Variants in DOCK7 observed in about 807,000 individuals in gnomAD.
The protein encoded by DOCK7 is dedicator of cytokinesis protein 7.
In DOCK7, 138 loss-of-function variants were observed where a neutral mutation model predicts 271.0. The observed-to-expected ratio is 0.51, with a 90% CI of 0.44 to 0.59. DOCK7 has a LOEUF of 0.59. Among genes scored for constraint, DOCK7 ranks in the 20% least tolerant of loss-of-function variants. DOCK7 has a pLI of 0.00. For synonymous variants in DOCK7, 823 were observed against 876.1 expected (o/e 0.94, Z 1.07); for missense variants, 2,066 against 2,592.4 (o/e 0.80, Z 4.41).
intron 43 of DOCK7, 23 bp downstream of exon 43, chr1:62,487,375 T>C: frequency 6.2e-7 from 1 of 1,606,510 alleles, no homozygotes; most frequent in Non-Finnish European, 8.5e-7. Flanking sequence ...TTAGTGTCTT[T>C]AACTAACTAA....
At chr1:62,604,819 C>T (rs760107372) in intron 14 of DOCK7, 2 of 1,612,248 alleles carry the variant, frequency 1.2e-6, no homozygotes, top group African/African-American at 2.7e-5. Context: ...TTTGAATGAA[C>T]TGAGGCAAAT....
chr1:62,671,823 T>G (rs1272657287), intron 1 of DOCK7, among the ~76,000 whole-genome samples: 3 of 152,144 alleles, frequency 2.0e-5, no homozygotes, highest in Non-Finnish European at 4.4e-5. Flanking sequence ...ACAGGATATA[T>G]AATTTGTTTG....
At position 62,685,544 on chromosome 1, in the gene DOCK7, C is replaced by CG. The variant is rs1162278578; in HGVS notation, c.38+2682dup. On this transcript the variant is annotated intron_variant, in intron 1 of 49. Coordinates refer to ENST00000635253, the MANE Select transcript of DOCK7 (RefSeq NM_001367561.1). ...AATCTCATCAACCCCCACCCACCCC[C>CG]GGGCTCCAAATGCAATCTACTTGCT... Among the ~76,000 whole-genome samples the CG allele has an allele frequency of 2.0e-5, 3 of 152,084 alleles. No homozygotes were observed. The East Asian group carries it at 5.8e-4, about 29-fold the overall frequency.
At chr1:62,602,239 C>A (rs781605325) in intron 14 of DOCK7, 1 of 1,448,728 alleles carries the variant, frequency 6.9e-7, no homozygotes, top group South Asian at 1.1e-5. Flanking sequence ...TTACATCTGT[C>A]AACATAAATC....
At chr1:62,563,098 C>T (rs537698105) in intron 18 of DOCK7, among the ~76,000 whole-genome samples, 1 of 152,194 alleles carries the variant, frequency 6.6e-6, no homozygotes, top group African/African-American at 2.4e-5. Context: ...TAACAAGGTG[C>T]CCCCCTCCCT....
At position 62,488,965 on chromosome 1, in the gene DOCK7, A is replaced by T. The variant is rs972020781; in HGVS notation, c.5462T>A (p.Leu1821His). The T allele has an allele frequency of 6.2e-7, 1 of 1,613,592 alleles. No individual in the cohort carries two copies. The highest frequency in any genetic ancestry group is 1.3e-5 in the African/African-American group (1 of 74,900). ...AACAATTTTGCTGAATGCTTCTTGA[A>T]GTTTACCATGAATTGTGGATAGTTT... ...AKKLSTIHGK[L>H]QEAFSKIVHQ... Residue 1821 changes from leucine (L) to histidine (H), a missense_variant, in exon 42 of 50, where the codon CTT becomes CAT. Leu to His is a moderately conservative substitution (Grantham distance 99). This residue lies in a region of DOCK7 where 652 missense variants were observed against 922.1 expected (regional missense o/e 0.71). Coordinates refer to ENST00000635253, the MANE Select transcript of DOCK7 (RefSeq NM_001367561.1).
At chr1:62,526,400 C>A (rs1178051267) in intron 31 of DOCK7, among the ~76,000 whole-genome samples, 1 of 151,124 alleles carries the variant, frequency 6.6e-6, no homozygotes. Context: ...GTGTCCTAAT[C>A]AAAAAGACAG....
intron 37 of DOCK7, among the ~76,000 whole-genome samples, chr1:62,501,986 T>C (rs971032634): frequency 2.0e-5 from 3 of 152,136 alleles, no homozygotes; most frequent in Non-Finnish European, 4.4e-5. Context: ...ATGTAATCAA[T>C]TTTTTAAACC....
intron 37 of DOCK7, 30 bp downstream of exon 37, chr1:62,504,600 T>C (rs1177397648): frequency 6.3e-7 from 1 of 1,596,370 alleles, no homozygotes. Context: ...TCATTATGAA[T>C]ACAGAGAATT....
chr1:62,655,749 T>C (rs551382780), intron 2 of DOCK7, among the ~76,000 whole-genome samples: 3 of 152,310 alleles, frequency 2.0e-5, no homozygotes, highest in Admixed American at 2.0e-4. Context: ...TTTAAAGATA[T>C]TGAGTAAAAT....
chr1:62,498,065 C>T (rs1461455079), intron 37 of DOCK7, among the ~76,000 whole-genome samples: 1 of 143,318 alleles, frequency 7.0e-6, no homozygotes, highest in African/African-American at 2.5e-5. Context: ...AGTTTGAGAC[C>T]GGCATGTCTA....
intron 28 of DOCK7, among the ~76,000 whole-genome samples, chr1:62,535,999 G>A (rs141139185): frequency 6.6e-6 from 1 of 152,174 alleles, no homozygotes; most frequent in Non-Finnish European, 1.5e-5. Context: ...CAAAGTACAA[G>A]AGAAATATTC....
rs560066009 is a variant in DOCK7, at chr1:62,556,753, G to A, written c.2432-764C>T. Among the ~76,000 whole-genome samples the A allele has an allele frequency of 5.3e-5, 8 of 152,242 alleles. No homozygotes were observed. In the East Asian group the frequency reaches 1.5e-3, roughly 29 times the overall value. On this transcript the variant is annotated intron_variant, in intron 20 of 49. Transcript: ENST00000635253. Reference sequence around the variant, plus strand: ...TTATTTAACCAAGACAGGAAATTATGAAGAGATAATGAGGCCAATTAAGTT... The same window carrying A: ...TTATTTAACCAAGACAGGAAATTATAAAGAGATAATGAGGCCAATTAAGTT...
intron 43 of DOCK7, chr1:62,486,328 T>C (rs180978046): frequency 1.2e-4 from 18 of 152,208 alleles, no homozygotes; most frequent in Admixed American, 1.0e-3. Context: ...CCCAAGGTTT[T>C]CTATTTGGGT....
intron 41 of DOCK7, among the ~76,000 whole-genome samples, chr1:62,491,727 A>G (rs909908114): frequency 6.6e-6 from 1 of 152,248 alleles, no homozygotes; most frequent in African/African-American, 2.4e-5. Flanking sequence ...ATTTCATCCA[A>G]TAGACAAGAT....
In DOCK7 at chr1:62,454,978, A is replaced by G. The variant is rs1469088543; in HGVS notation, c.*436T>C. On this transcript the variant is annotated 3_prime_UTR_variant, in exon 50 of 50. Coordinates refer to ENST00000635253, the MANE Select transcript of DOCK7 (RefSeq NM_001367561.1). ...CTTTAATTGTTCTCTGCCATTGTCA[A>G]TAATAAAAATTTTGAAGTCCCACTC... 4 of 369,046 alleles carry G rather than the reference A, an allele frequency of 1.1e-5. No homozygotes were observed. The highest frequency in any genetic ancestry group is 8.4e-5 in the African/African-American group (4 of 47,838). 22.9% of individuals were successfully genotyped at this position (369,046 alleles called of 1,614,324 possible).
chr1:62,679,538 T>A (rs961231455), intron 1 of DOCK7, among the ~76,000 whole-genome samples: 2 of 152,240 alleles, frequency 1.3e-5, no homozygotes, highest in Middle Eastern at 3.4e-3. Flanking sequence ...TCAATAAACA[T>A]ACAAAACAGA....
intron 14 of DOCK7, chr1:62,602,228 T>C (rs532053070): frequency 1.1e-4 from 151 of 1,378,378 alleles, no homozygotes; most frequent in Non-Finnish European, 1.5e-4. Context: ...AAAAGTGTTA[T>C]TTACATCTGT....
chr1:62,628,766 A>G (rs1453570659), intron 11 of DOCK7: 3 of 152,220 alleles, frequency 2.0e-5, no homozygotes, highest in Non-Finnish European at 4.4e-5. Flanking sequence ...ACAGACTAGG[A>G]GAAAATTTGC....
Sources: gnomAD v4.1 joint callset for allele counts (sites outside exome capture counted in the v4.1 genomes callset) on GRCh38, gnomAD v4.1.1 for gene constraint, gnomAD v4.1.1 regional missense constraint, MANE v1.5 for transcripts, NCBI Gene and HGNC (gene_info 2026-07-23, HGNC 2026-07-21) for gene names.